The following BROX variants were observed in gnomAD, a reference collection of about 807,000 sequenced individuals.
The protein encoded by BROX is BRO1 domain-containing protein BROX.
Under a neutral mutation model 61.0 loss-of-function variants are expected in BROX, and 53 were observed. That is an observed-to-expected ratio of 0.87 (90% CI 0.70 to 1.09). BROX has a LOEUF of 1.09. Among genes scored for constraint, BROX ranks in the 50% least tolerant of loss-of-function variants. The pLI is 0.00. For missense variants in BROX, 489 were observed against 472.0 expected, an observed-to-expected ratio of 1.04 and a Z score of -0.33; for synonymous variants, 152 against 160.2, an observed-to-expected ratio of 0.95 and a Z score of 0.38.
Position 222,719,313 on chromosome 1 carries a change from A to G in BROX, c.259A>G (p.Ile87Val). The change falls in exon 4 of 13, where the codon ATT (isoleucine) becomes GTT (valine). Residue 87 changes from isoleucine to valine, a missense_variant. Coordinates refer to ENST00000340934, the MANE Select transcript of BROX (RefSeq NM_144695.4). ...ESTQESKLRYIQNFKWTDTLQ... is the reference protein window; with the variant it reads ...ESTQESKLRYVQNFKWTDTLQ... ...TACCCAAGAAAGCAAGTTACGATAT[A>G]TTCAAAATTTCAAGTGGACTGATAC... 2 of 1,609,630 alleles carry G rather than the reference A, an allele frequency of 1.2e-6. No individual in the cohort carries two copies. The highest frequency in any genetic ancestry group is 1.3e-5 in the African/African-American group (1 of 74,946).
intron 1 of BROX, among the ~76,000 whole-genome samples, chr1:222,714,320 A>T (rs773356785): frequency 7.1e-4 from 102 of 144,520 alleles, no homozygotes; most frequent in Non-Finnish European, 1.3e-3. Flanking sequence ...CTCCTGCCTC[A>T]GCCTCCCAAG....
chr1:222,726,717 CAAA>C (rs113885916), intron 7 of BROX, among the ~76,000 whole-genome samples: 2 of 132,492 alleles, frequency 1.5e-5, no homozygotes, highest in Non-Finnish European at 1.7e-5. Flanking sequence ...AACTCCATCT[CAAA>C]AAAAAAAAAA....
Position 222,727,240 on chromosome 1 carries a change from A to G in BROX, c.653A>G (p.Asn218Ser), listed in dbSNP as rs762718799. Residue 218 changes from asparagine to serine, a missense_variant, in exon 8 of 13, where the codon AAT (asparagine) becomes AGT (serine). Physicochemically the swap from Asn to Ser is conservative, Grantham distance 46. Coordinates refer to ENST00000340934, the MANE Select transcript of BROX (RefSeq NM_144695.4). ...LIAALAYETA[N>S]FYQKADHTLS... ...GCTGCACTGGCGTATGAAACAGCCAATTTCTATCAAAAAGCTGGTAAGCTT... is the reference window on the plus strand; with the variant it reads ...GCTGCACTGGCGTATGAAACAGCCAGTTTCTATCAAAAAGCTGGTAAGCTT... 8 of 1,611,608 alleles carry G rather than the reference A, an allele frequency of 5.0e-6. No individual in the cohort carries two copies. In the East Asian group the frequency reaches 1.3e-4, roughly 27 times the overall value.
chr1:222,715,391 C>T (rs901018717), intron 1 of BROX: 2 of 161,360 alleles, frequency 1.2e-5, no homozygotes, highest in Admixed American at 1.3e-4. Context: ...CTGATCTGAA[C>T]ATAGACCACC....
chr1:222,723,782 G>A (rs1475715156), intron 5 of BROX, among the ~76,000 whole-genome samples: 3 of 152,072 alleles, frequency 2.0e-5, no homozygotes, highest in Admixed American at 6.5e-5. Context: ...GGGTTCAAGT[G>A]ATTTTCGTGC....
In BROX at chr1:222,734,963, T is replaced by C. The variant is rs980471922; in HGVS notation, c.*2249T>C. ...TGTTGACTCAGCAAAGGTGACACTTTGTGACTAAAGTATCCCATTATATAT... is the reference window on the plus strand; with the variant it reads ...TGTTGACTCAGCAAAGGTGACACTTCGTGACTAAAGTATCCCATTATATAT... On this transcript the variant is annotated 3_prime_UTR_variant, in exon 13 of 13. Coordinates refer to ENST00000340934, the MANE Select transcript of BROX (RefSeq NM_144695.4). The C allele has an allele frequency of 3.9e-5, 6 of 152,234 alleles. No homozygotes were observed. Among genetic ancestry groups the C allele is most frequent in the African/African-American group, 1.4e-4 (6 of 41,458 alleles). The allele number at this position is 152,234 out of a possible 1,614,324, so 9.4% of individuals were successfully genotyped here. A position where few individuals can be genotyped will look rare whatever the true frequency, so the allele number is the denominator to read the frequency against.
chr1:222,713,155 TC>T, intron 1 of BROX: 1 of 979,922 alleles, frequency 1.0e-6, no homozygotes, highest in South Asian at 4.1e-5. Flanking sequence ...ATCCGCTGAA[TC>T]CCCTTGCCCC....
intron 2 of BROX, 152 bp from the exon 3 acceptor site, chr1:222,718,773 C>A: frequency 1.5e-6 from 1 of 645,466 alleles, no homozygotes. Context: ...CATGTGCATG[C>A]GTGTGTGTGT....
chr1:222,722,162 A>G (rs1260773710), intron 4 of BROX, among the ~76,000 whole-genome samples: 2 of 152,160 alleles, frequency 1.3e-5, no homozygotes, highest in Non-Finnish European at 2.9e-5. Context: ...AAGCTGCTCT[A>G]TGTGCAGTAA....
chr1:222,728,305 A>T (rs1325520355), intron 8 of BROX, among the ~76,000 whole-genome samples: 1 of 152,302 alleles, frequency 6.6e-6, no homozygotes, highest in Non-Finnish European at 1.5e-5. Context: ...TGGTAGAAGG[A>T]TATGTGAGTG....
At chr1:222,729,943 T>TA (rs1657812553) in intron 10 of BROX, 84 bp from the exon 11 acceptor site, 1 of 1,324,450 alleles carries the variant, frequency 7.6e-7, no homozygotes, top group African/African-American at 1.5e-5. Context: ...GTAAATGTCT[T>TA]ATCACCTCCA....
intron 7 of BROX, 22 bp downstream of exon 7, chr1:222,725,577 T>G: frequency 6.5e-7 from 1 of 1,541,844 alleles, no homozygotes; most frequent in Non-Finnish European, 8.8e-7. Flanking sequence ...ATTGTAAGAT[T>G]TTTTTAAATG....
At chr1:222,726,150 T>A (rs1200553247) in intron 7 of BROX, among the ~76,000 whole-genome samples, 22 of 152,266 alleles carry the variant, frequency 1.4e-4, no homozygotes, top group Admixed American at 1.4e-3. Context: ...TTCTTTTTTC[T>A]CTTTCACTCG....
intron 5 of BROX, among the ~76,000 whole-genome samples, chr1:222,722,787 C>T (rs948177644): frequency 6.6e-5 from 10 of 151,966 alleles, no homozygotes; most frequent in East Asian, 1.9e-4. Flanking sequence ...ATCAAAGGAC[C>T]GTAAACAAAG....
At chr1:222,718,518 C>G (rs768807972) in intron 2 of BROX, among the ~76,000 whole-genome samples, 2 of 152,076 alleles carry the variant, frequency 1.3e-5, no homozygotes, top group Non-Finnish European at 2.9e-5. Flanking sequence ...TTTCATTTTT[C>G]AAGAAACTTA....
chr1:222,731,200 T>C (rs1474848745), intron 11 of BROX, among the ~76,000 whole-genome samples, 157 bp from the exon 12 acceptor site: 4 of 152,224 alleles, frequency 2.6e-5, no homozygotes, highest in Non-Finnish European at 5.9e-5. Flanking sequence ...TGCATTGTAA[T>C]TGACAAAAGT....
At chr1:222,718,827 G>T in intron 2 of BROX, 98 bp from the exon 3 acceptor site, 1 of 887,340 alleles carries the variant, frequency 1.1e-6, no homozygotes, top group Non-Finnish European at 1.9e-6. Flanking sequence ...GTGTATGTGT[G>T]TGTGTTTTAA....
rs1333708791 is a variant in BROX at position 222,725,420 on chromosome 1, GT to G, written c.475-24del. 10 of 1,508,696 alleles carry G rather than the reference GT, an allele frequency of 6.6e-6. No homozygotes were observed. In the Admixed American group the frequency reaches 1.4e-4, roughly 22 times the overall value. 93.5% of individuals were successfully genotyped at this position (1,508,696 alleles called of 1,614,324 possible). A position where few individuals can be genotyped will look rare whatever the true frequency, so the allele number is the denominator to read the frequency against. On this transcript the variant is annotated intron_variant, in intron 6 of 12. Transcript: ENST00000340934. The stretch of plus-strand genomic sequence containing the variant: ...GATTAAAATAAAATTTGGCTGCTTT[GT>G]TTTTTGTCTTTTTTGTTGTTGTTCT...
chr1:222,722,097 G>T (rs956360064), intron 4 of BROX, among the ~76,000 whole-genome samples: 7 of 152,112 alleles, frequency 4.6e-5, no homozygotes, highest in Admixed American at 3.9e-4. Context: ...ACGATTCTAA[G>T]CCCCATCCCA....
Sources: allele counts gnomAD v4.1 joint callset (sites outside exome capture counted in the v4.1 genomes callset), GRCh38; gene constraint gnomAD v4.1.1; transcripts MANE v1.5; gene names NCBI Gene and HGNC (gene_info 2026-07-23, HGNC 2026-07-21).